The following NSFL1C variants were observed in gnomAD, a reference collection of about 807,000 sequenced individuals.
NSFL1C encodes NSFL1 cofactor.
In NSFL1C, 14 loss-of-function variants were observed where a neutral mutation model predicts 43.1. That is an observed-to-expected ratio of 0.32 (90% CI 0.21 to 0.51). NSFL1C has a LOEUF of 0.51. Among genes scored for constraint, NSFL1C ranks in the 20% least tolerant of loss-of-function variants. NSFL1C has a pLI of 0.98. For synonymous variants in NSFL1C, 171 were observed against 183.5 expected (o/e 0.93, Z 0.55); for missense variants, 406 against 472.5 (o/e 0.86, Z 1.30).
Position 1,445,747 on chromosome 20 carries a change from T to C in NSFL1C, c.869A>G (p.Asp290Gly), listed in dbSNP as rs767475268. Reference sequence around the variant, plus strand: ...GATGTTTGTGGTAGGCTCTGATTCGTCGATTAAGATGGAAGAGCTGGCTTT... The same window carrying C: ...GATGTTTGTGGTAGGCTCTGATTCGCCGATTAAGATGGAAGAGCTGGCTTT... ...EAKASSSILI[D>G]ESEPTTNIQI... Residue 290 changes from aspartate (D) to glycine (G), a missense_variant, in exon 8 of 9, where the codon GAC becomes GGC. By Grantham distance (94) the Asp-to-Gly change is moderately conservative. Coordinates refer to ENST00000216879, the MANE Select transcript of NSFL1C (RefSeq NM_016143.5). 19 of 1,613,834 alleles carry C rather than the reference T, an allele frequency of 1.2e-5. No individual in the cohort carries two copies. Among genetic ancestry groups the C allele is most frequent in the Middle Eastern group, 1.6e-4 (1 of 6,070 alleles).
At chr20:1,450,210 T>C (rs1159776190) in intron 7 of NSFL1C, among the ~76,000 whole-genome samples, 1 of 152,232 alleles carries the variant, frequency 6.6e-6, no homozygotes, top group Non-Finnish European at 1.5e-5. Flanking sequence ...TCAAGACTTT[T>C]GGCTTCTGAT....
chr20:1,443,959 T>C (rs1183701490), intron 8 of NSFL1C, 48 bp from the exon 9 acceptor site: 1 of 1,571,388 alleles, frequency 6.4e-7, no homozygotes, highest in South Asian at 1.1e-5. Flanking sequence ...CTGCTGTCCA[T>C]ACCCCTGCCC....
At chr20:1,457,449 GA>G (rs1189802021) in intron 3 of NSFL1C, among the ~76,000 whole-genome samples, 1 of 152,156 alleles carries the variant, frequency 6.6e-6, no homozygotes, top group Non-Finnish European at 1.5e-5. Context: ...GAGAACACTT[GA>G]AATTAACACT....
At chr20:1,454,906 G>A in intron 4 of NSFL1C, 61 bp downstream of exon 4, 4 of 1,545,784 alleles carry the variant, frequency 2.6e-6, no homozygotes, top group Non-Finnish European at 3.5e-6. Flanking sequence ...GGTGAAGAAG[G>A]TGGCATTCCC....
At chr20:1,445,184 C>T (rs2090032266) in intron 8 of NSFL1C, among the ~76,000 whole-genome samples, 1 of 152,222 alleles carries the variant, frequency 6.6e-6, no homozygotes, top group Admixed American at 6.5e-5. Flanking sequence ...GTGGAGCAGG[C>T]ATTCCCAGAA....
chr20:1,462,397 C>A (rs112261215), intron 2 of NSFL1C, among the ~76,000 whole-genome samples: 2 of 152,330 alleles, frequency 1.3e-5, no homozygotes, highest in African/African-American at 4.8e-5. Flanking sequence ...CTTTTCTAAG[C>A]CTACTACCAA....
intron 2 of NSFL1C, 71 bp from the exon 3 acceptor site, chr20:1,458,345 A>G (rs1379194648): frequency 4.0e-6 from 5 of 1,256,502 alleles, no homozygotes; most frequent in Non-Finnish European, 5.8e-6. Context: ...ACCAGCTGCT[A>G]AGGAGGTGAA....
intron 4 of NSFL1C, among the ~76,000 whole-genome samples, 182 bp from the exon 5 acceptor site, chr20:1,454,487 A>G (rs2090254708): frequency 6.6e-6 from 1 of 152,234 alleles, no homozygotes; most frequent in Admixed American, 6.5e-5. Context: ...CCCAGGCAGT[A>G]TGGTAAATGA....
chr20:1,465,578 G>A (rs1391289474), intron 1 of NSFL1C, among the ~76,000 whole-genome samples: 1 of 152,156 alleles, frequency 6.6e-6, no homozygotes, highest in East Asian at 1.9e-4. Context: ...CTTATGTTTG[G>A]GGAGTAATTT....
chr20:1,466,446 C>A (rs2090513329), intron 1 of NSFL1C, among the ~76,000 whole-genome samples: 1 of 152,212 alleles, frequency 6.6e-6, no homozygotes, highest in Non-Finnish European at 1.5e-5. Context: ...CCTCTCCTCG[C>A]CGGCTGCCGC....
At chr20:1,447,800 T>C (rs2317653) in intron 7 of NSFL1C, among the ~76,000 whole-genome samples, 33,753 of 148,002 alleles carry the variant, frequency 0.23, 4,454 homozygotes, top group East Asian at 0.64. Flanking sequence ...GAGTGACATT[T>C]ACACCGACTC....
intron 2 of NSFL1C, among the ~76,000 whole-genome samples, chr20:1,460,948 G>C (rs2122945707): frequency 6.6e-6 from 1 of 152,298 alleles, no homozygotes; most frequent in East Asian, 1.9e-4. Flanking sequence ...TGCTGGCAGG[G>C]AGGTAGCATG....
chr20:1,463,175 A>G (rs1283705796), intron 2 of NSFL1C, among the ~76,000 whole-genome samples: 5 of 152,204 alleles, frequency 3.3e-5, no homozygotes, highest in Non-Finnish European at 4.4e-5. Flanking sequence ...GAGAAAAGAA[A>G]GGAGTAAACA....
intron 8 of NSFL1C, among the ~76,000 whole-genome samples, chr20:1,445,249 C>T (rs1252279639): frequency 6.6e-6 from 1 of 152,118 alleles, no homozygotes; most frequent in African/African-American, 2.4e-5. Context: ...TTTCACAGGC[C>T]CCTTGTGGGG....
chr20:1,460,057 A>G (rs2090379078), intron 2 of NSFL1C, among the ~76,000 whole-genome samples: 1 of 152,174 alleles, frequency 6.6e-6, no homozygotes, highest in African/African-American at 2.4e-5. Flanking sequence ...CCAGATTCCA[A>G]TCCCAATTCT....
intron 4 of NSFL1C, among the ~76,000 whole-genome samples, chr20:1,454,727 G>C (rs1374991531): frequency 6.6e-6 from 1 of 152,164 alleles, no homozygotes; most frequent in Non-Finnish European, 1.5e-5. Flanking sequence ...AAATTTGATA[G>C]GCCAAACAAA....
At chr20:1,450,395 A>C (rs537414928) in intron 7 of NSFL1C, among the ~76,000 whole-genome samples, 2 of 152,314 alleles carry the variant, frequency 1.3e-5, no homozygotes, top group African/African-American at 2.4e-5. Flanking sequence ...ATAAAATGCA[A>C]GTGGAACTGG....
At chr20:1,451,884 G>C (rs900919477) in intron 7 of NSFL1C, among the ~76,000 whole-genome samples, 8 of 152,232 alleles carry the variant, frequency 5.3e-5, no homozygotes, top group Admixed American at 2.0e-4. Context: ...AAGTGGCAGA[G>C]TGAGTGTCAG....
chr20:1,450,552 T>C (rs1370466106), intron 7 of NSFL1C, among the ~76,000 whole-genome samples: 2 of 152,234 alleles, frequency 1.3e-5, no homozygotes, highest in African/African-American at 4.8e-5. Context: ...ACACATAATA[T>C]GGTTAGACTT....
Sources: gnomAD v4.1 joint callset for allele counts (sites outside exome capture counted in the v4.1 genomes callset) on GRCh38, gnomAD v4.1.1 for gene constraint, MANE v1.5 for transcripts, NCBI Gene and HGNC (gene_info 2026-07-23, HGNC 2026-07-21) for gene names.